Variants in RNLS observed in about 807,000 individuals in gnomAD.
RNLS encodes the protein renalase.
In RNLS, 39 loss-of-function variants were observed where a neutral mutation model predicts 39.8. The ratio of observed to expected loss-of-function variants is 0.98; its 90% CI spans 0.76 to 1.28. The LOEUF (loss-of-function observed/expected upper bound fraction) is 1.28. Among genes scored for constraint, RNLS ranks in the 50% most tolerant of loss-of-function variants. The probability of loss-of-function intolerance (pLI) is 0.00; values close to 1 mark genes in which losing one functional copy is unlikely to be tolerated. For synonymous variants in RNLS, 147 were observed against 150.7 expected (o/e 0.98, Z 0.18); for missense variants, 410 against 413.3 (o/e 0.99, Z 0.07).
chr10:88,362,838 C>T (rs1485075173), intron 4 of RNLS, 113 bp from the exon 5 acceptor site: 1 of 845,900 alleles, frequency 1.2e-6, no homozygotes, highest in Non-Finnish European at 1.8e-6. Flanking sequence ...AACTCCATCT[C>T]ACTTACAATG....
the RNLS span, among the ~76,000 whole-genome samples, chr10:88,172,996 A>G: frequency 6.6e-6 from 1 of 151,094 alleles, no homozygotes; most frequent in Non-Finnish European, 1.5e-5. Flanking sequence ...AGCTGGGACT[A>G]CAGGCACCCA....
At chr10:88,174,375 C>T in the RNLS span, among the ~76,000 whole-genome samples, 4 of 152,040 alleles carry the variant, frequency 2.6e-5, no homozygotes, top group Non-Finnish European at 5.9e-5. Context: ...TTTCCCCATA[C>T]AGTATAATGT....
chr10:88,463,561 A>C (rs1328297167), intron 4 of RNLS, among the ~76,000 whole-genome samples: 2 of 151,984 alleles, frequency 1.3e-5, no homozygotes, highest in East Asian at 3.8e-4. Flanking sequence ...CTTCTTGGAA[A>C]CATGATGAAG....
intron 4 of RNLS, among the ~76,000 whole-genome samples, chr10:88,504,443 C>T (rs1024105486): frequency 6.6e-6 from 1 of 151,760 alleles, no homozygotes; most frequent in Admixed American, 6.6e-5. Context: ...TTTTTATTTA[C>T]TTTTATCAAA....
intron 4 of RNLS, among the ~76,000 whole-genome samples, chr10:88,552,816 G>A (rs1208282740): frequency 6.6e-6 from 1 of 152,116 alleles, no homozygotes; most frequent in East Asian, 1.9e-4. Context: ...CTACATGAAA[G>A]AAAATTCTCT....
At chr10:88,509,478 A>C (rs1589923490) in intron 4 of RNLS, among the ~76,000 whole-genome samples, 1 of 59,158 alleles carries the variant, frequency 1.7e-5, no homozygotes. Flanking sequence ...AGGAGAGGAG[A>C]GGGGAGGAGA....
At chr10:88,310,824 A>AAAAAAAAG (rs1217903555) in intron 6 of RNLS, among the ~76,000 whole-genome samples, 8 of 113,408 alleles carry the variant, frequency 7.1e-5, no homozygotes, top group South Asian at 3.2e-4. Context: ...AAAAAAAAAA[A>AAAAAAAAG]AAAGAAAGAA....
At chr10:88,502,509 G>C (rs1845561120) in intron 4 of RNLS, among the ~76,000 whole-genome samples, 1 of 152,150 alleles carries the variant, frequency 6.6e-6, no homozygotes, top group African/African-American at 2.4e-5. Flanking sequence ...TTTCCACCTT[G>C]AGTGGAAGTA....
At chr10:88,327,200 C>G (rs1165721461) in intron 5 of RNLS, among the ~76,000 whole-genome samples, 1 of 152,080 alleles carries the variant, frequency 6.6e-6, no homozygotes, top group Non-Finnish European at 1.5e-5. Flanking sequence ...GTTGGAAAGG[C>G]ATGATTGTGT....
intron 4 of RNLS, among the ~76,000 whole-genome samples, chr10:88,451,691 G>A (rs1156391236): frequency 6.6e-6 from 1 of 152,122 alleles, no homozygotes; most frequent in East Asian, 1.9e-4. Flanking sequence ...AAAGCTGTAG[G>A]TAGCACTGAA....
intron 4 of RNLS, among the ~76,000 whole-genome samples, chr10:88,528,357 T>C (rs1444898364): frequency 2.6e-5 from 4 of 152,066 alleles, no homozygotes; most frequent in African/African-American, 9.7e-5. Flanking sequence ...GATAGGCCTG[T>C]GTGGAAAATG....
chr10:88,259,811 G>A, the RNLS span, among the ~76,000 whole-genome samples: 1 of 151,998 alleles, frequency 6.6e-6, no homozygotes, highest in Non-Finnish European at 1.5e-5. Context: ...TGGCGTGATC[G>A]TGGCTCACTG....
intron 4 of RNLS, among the ~76,000 whole-genome samples, chr10:88,450,122 G>A (rs1018811012): frequency 5.3e-5 from 8 of 152,130 alleles, no homozygotes; most frequent in Non-Finnish European, 1.0e-4. Context: ...AGTAGGGTAA[G>A]CTACAGAACA....
chr10:88,212,298 C>T, the RNLS span, among the ~76,000 whole-genome samples: 2 of 152,144 alleles, frequency 1.3e-5, no homozygotes, highest in African/African-American at 4.8e-5. Flanking sequence ...ATTTTTTCCC[C>T]TCCTCTTGGT....
At chr10:88,323,317 A>T (rs980046141) in intron 5 of RNLS, among the ~76,000 whole-genome samples, 1 of 152,182 alleles carries the variant, frequency 6.6e-6, no homozygotes, top group Admixed American at 6.5e-5. Flanking sequence ...AAGCAAAGAG[A>T]ACAAGGCTGG....
At chr10:88,173,814 A>T in the RNLS span, among the ~76,000 whole-genome samples, 7 of 152,280 alleles carry the variant, frequency 4.6e-5, no homozygotes, top group African/African-American at 1.7e-4. Context: ...AATTATGTCC[A>T]TAGGTTTTGG....
intron 4 of RNLS, among the ~76,000 whole-genome samples, chr10:88,380,552 T>C (rs1296642549): frequency 6.6e-6 from 1 of 151,322 alleles, no homozygotes; most frequent in African/African-American, 2.4e-5. Flanking sequence ...ATTTTTTTTT[T>C]TTTTGTATTT....
At chr10:88,489,413 TA>T (rs2134057502) in intron 4 of RNLS, among the ~76,000 whole-genome samples, 1 of 152,294 alleles carries the variant, frequency 6.6e-6, no homozygotes, top group South Asian at 2.1e-4. Flanking sequence ...ATCACCATGG[TA>T]CCCAGGTACT....
At chr10:88,330,008 T>C (rs1028009414) in intron 5 of RNLS, among the ~76,000 whole-genome samples, 6 of 149,916 alleles carry the variant, frequency 4.0e-5, no homozygotes, top group African/African-American at 1.2e-4. Context: ...TCTGGCTTTT[T>C]TTGTTGTTGT....
Sources: gnomAD v4.1 joint callset for allele counts (sites outside exome capture counted in the v4.1 genomes callset) on GRCh38, gnomAD v4.1.1 for gene constraint, MANE v1.5 for transcripts, NCBI Gene and HGNC (gene_info 2026-07-23, HGNC 2026-07-21) for gene names.